VWF: variants seen among roughly 807,000 people sequenced by gnomAD.
The protein encoded by VWF is Factor VIII related antigen.
A neutral mutation model predicts 308.6 loss-of-function variants in VWF; 176 were observed. That is an observed-to-expected ratio of 0.57 (90% CI 0.50 to 0.65). VWF has a LOEUF of 0.65. Among genes scored for constraint, VWF ranks in the 30% least tolerant of loss-of-function variants. The probability of loss-of-function intolerance (pLI) is 0.00; values close to 1 mark genes in which losing one functional copy is unlikely to be tolerated. For missense variants in VWF, 3,146 were observed against 3,648.2 expected, an observed-to-expected ratio of 0.86 and a Z score of 3.55; for synonymous variants, 1,385 against 1,443.4, an observed-to-expected ratio of 0.96 and a Z score of 0.92.
At chr12:6,004,813 T>C (rs1201921010) in intron 34 of VWF, among the ~76,000 whole-genome samples, 1 of 151,872 alleles carries the variant, frequency 6.6e-6, no homozygotes, top group East Asian at 1.9e-4. Context: ...AAGAAAAAAG[T>C]CTCATTTACA....
intron 34 of VWF, among the ~76,000 whole-genome samples, chr12:6,006,255 A>G (rs965415666): frequency 6.6e-6 from 1 of 152,206 alleles, no homozygotes; most frequent in East Asian, 1.9e-4. Flanking sequence ...TAGAAGATAC[A>G]CAAAAGGAAA....
At chr12:6,114,824 G>A (rs1816461645) in intron 3 of VWF, among the ~76,000 whole-genome samples, 1 of 152,174 alleles carries the variant, frequency 6.6e-6, no homozygotes, top group African/African-American at 2.4e-5. Flanking sequence ...AGGAACTGGG[G>A]CTCCTGAAGG....
At chr12:5,993,336 G>A (rs1464821760) in intron 37 of VWF, among the ~76,000 whole-genome samples, 1 of 152,162 alleles carries the variant, frequency 6.6e-6, no homozygotes, top group African/African-American at 2.4e-5. Flanking sequence ...GGGAGGGGCT[G>A]TCTGCACTAG....
Position 6,060,051 on chromosome 12 carries a change from C to G in VWF, c.1534-2007G>C. On this transcript the variant is annotated intron_variant, in intron 13 of 51. Coordinates refer to ENST00000261405, the MANE Select transcript of VWF (RefSeq NM_000552.5). The surrounding 1 kb of genome is among the most constrained non-coding windows in gnomAD (Gnocchi z 5.1). ...CCCATGTCCCACTCTAAAACCAGGT[C>G]TTCTCCCATCCCCTTGGCTTGTCTC... 6.6e-6 allele frequency among the ~76,000 whole-genome samples: 1 copy of G among 152,036 alleles called. No individual in the cohort carries two copies. The highest frequency in any genetic ancestry group is 1.5e-5 in the Non-Finnish European group (1 of 68,002).
Position 6,046,718 on chromosome 12 carries a change from C to A in VWF, c.2281+5G>T, listed in dbSNP as rs1944450070. On this transcript the variant is annotated splice_donor_5th_base_variant and intron_variant, in intron 17 of 51. Transcript: ENST00000261405. The surrounding 1 kb of genome is among the most constrained non-coding windows in gnomAD (Gnocchi z 5.0). ...CAATGGGCCTTCCAGGGGGACAGTA[C>A]TCACTGCGATGAGACAGGGGACTGC... is the stretch of plus-strand genomic sequence containing the variant. 1 of 1,613,840 alleles carries A rather than the reference C, an allele frequency of 6.2e-7. No homozygotes were observed. Among genetic ancestry groups the A allele is most frequent in the Non-Finnish European group, 8.5e-7 (1 of 1,179,888 alleles).
Position 5,952,610 on chromosome 12 carries a change from A to C in VWF, c.7987-91T>G, listed in dbSNP as rs1385994109. 4 of 1,519,548 alleles carry C rather than the reference A, an allele frequency of 2.6e-6. No homozygotes were observed. In the South Asian group the frequency reaches 3.5e-5, roughly 13 times the overall value. 94.1% of individuals were successfully genotyped at this position (1,519,548 alleles called of 1,614,324 possible). The stretch of plus-strand genomic sequence containing the variant: ...TGAGCTTGACTCCATGGAGATGACG[A>C]AACAATCTGCAGAACCATGAAACAA... On this transcript the variant is annotated intron_variant, in intron 48 of 51. Transcript: ENST00000261405.
In VWF at chr12:6,013,620, A is replaced by G; in HGVS notation, c.5481T>C (p.Ile1827=). The change falls in exon 32 of 52, where the codon ATT becomes ATC. Residue 1827 remains isoleucine, a synonymous_variant. Transcript: ENST00000261405. ...SNRVTVFPIG[I]GDRYDAAQLR... ...GCTGGGCTGCATCGTAGCGATCTCC[A>G]ATTCCAATAGGGAACACTGTCACTC... 2 of 1,613,498 alleles carry G rather than the reference A, an allele frequency of 1.2e-6. No individual in the cohort carries two copies. Among genetic ancestry groups the G allele is most frequent in the Non-Finnish European group, 1.7e-6 (2 of 1,179,884 alleles).
In VWF at chr12:6,057,756, C is replaced by G. The variant is rs1944603921; in HGVS notation, c.1729+93G>C. ...TTTCCTCGCTCCCCGCCCCCGCCCTCCGCGGTGGGAGCACTGCCTCCGGAA... is the reference window on the plus strand; with the variant it reads ...TTTCCTCGCTCCCCGCCCCCGCCCTGCGCGGTGGGAGCACTGCCTCCGGAA... On this transcript the variant is annotated intron_variant, in intron 14 of 51. Transcript: ENST00000261405. 2.1e-6 allele frequency: 3 copies of G among 1,437,644 alleles called. No individual in the cohort carries two copies. The African/African-American group carries it at 4.3e-5, about 21-fold the overall frequency. The allele number at this position is 1,437,644 out of a possible 1,614,324, so 89.1% of individuals were successfully genotyped here.
Position 6,103,368 on chromosome 12 carries a change from G to A in VWF, c.532+7006C>T, listed in dbSNP as rs1254316681. On this transcript the variant is annotated intron_variant, in intron 5 of 51. Transcript: ENST00000261405. ...TATGTGTGTATATATACATATATAT[G>A]TGTGTGTGTGTATACACGTGTGTGT... Among the ~76,000 whole-genome samples the A allele has an allele frequency of 2.4e-5, 3 of 125,480 alleles. No individual in the cohort carries two copies. The East Asian group carries it at 7.1e-4, about 30-fold the overall frequency. The allele number at this position is 125,480 out of a possible 152,430, so 82.3% of individuals were successfully genotyped here. A position where few individuals can be genotyped will look rare whatever the true frequency, so the allele number is the denominator to read the frequency against.
Position 6,064,322 on chromosome 12 carries a change from G to T in VWF, c.1356C>A (p.His452Gln). ...CATGCTTCAGTTTCACAAGGCTGTT[G>T]TGCAGGCCAGGCAGCCGGACGGTGA... ...RSVTVRLPGL[H>Q]NSLVKLKHGA... Residue 452 changes from histidine to glutamine, a missense_variant, in exon 12 of 52, where the codon CAC becomes CAA. His to Gln is a conservative substitution (Grantham distance 24, BLOSUM62 0). Coordinates refer to ENST00000261405, the MANE Select transcript of VWF (RefSeq NM_000552.5). 6.2e-7 allele frequency: 1 copy of T among 1,614,198 alleles called. No homozygotes were observed. Among genetic ancestry groups the T allele is most frequent in the Non-Finnish European group, 8.5e-7 (1 of 1,180,048 alleles).
chr12:6,102,281 AACAT>A (rs1383552508), intron 5 of VWF, among the ~76,000 whole-genome samples: 1 of 151,996 alleles, frequency 6.6e-6, no homozygotes, highest in Non-Finnish European at 1.5e-5. Flanking sequence ...GTCTCTAATA[AACAT>A]ACAAAAATTA....
At chr12:6,002,359 A>C (rs216806) in intron 34 of VWF, among the ~76,000 whole-genome samples, 32 of 151,532 alleles carry the variant, frequency 2.1e-4, no homozygotes, top group Admixed American at 2.0e-3. Context: ...AAAGATAATA[A>C]ACATGTATAT....
chr12:5,965,901 C>T (rs146089856), intron 47 of VWF, among the ~76,000 whole-genome samples: 130 of 152,358 alleles, frequency 8.5e-4, no homozygotes, highest in African/African-American at 3.0e-3. Flanking sequence ...TTGCACTCCC[C>T]TGGGAGATAC....
chr12:5,976,013 T>G, intron 43 of VWF, 98 bp downstream of exon 43: 1 of 1,451,870 alleles, frequency 6.9e-7, no homozygotes, highest in Non-Finnish European at 9.2e-7. Context: ...GAGTCTCCAT[T>G]TCAAAAAAAA....
At chr12:6,069,343 C>T (rs1275569835) in intron 10 of VWF, among the ~76,000 whole-genome samples, 1 of 152,114 alleles carries the variant, frequency 6.6e-6, no homozygotes, top group Non-Finnish European at 1.5e-5. Flanking sequence ...GCCCAGAGCC[C>T]TTGATGCCAC....
chr12:6,051,286 C>CTTTTTTTTTTT (rs55842185), intron 16 of VWF, among the ~76,000 whole-genome samples: 264 of 117,456 alleles, frequency 2.2e-3, no homozygotes, highest in African/African-American at 3.7e-3. Flanking sequence ...TTCTTTTTTT[C>CTTTTTTTTTTT]TTTTTTTTTT....
At chr12:6,094,728 A>G (rs1945086010) in intron 6 of VWF, among the ~76,000 whole-genome samples, 1 of 151,784 alleles carries the variant, frequency 6.6e-6, no homozygotes, top group Admixed American at 6.6e-5. Flanking sequence ...TTTTTTTTTA[A>G]TTGAGACAGA....
chr12:6,106,616 G>A (rs1945246766), intron 5 of VWF, among the ~76,000 whole-genome samples: 1 of 152,138 alleles, frequency 6.6e-6, no homozygotes, highest in Admixed American at 6.5e-5. Context: ...GCTCACGCCT[G>A]TAATCCCAGC....
intron 6 of VWF, among the ~76,000 whole-genome samples, chr12:6,092,673 G>GTA (rs1356836169): frequency 0.027 from 3,291 of 123,332 alleles, 314 homozygotes; most frequent in African/African-American, 0.051. Context: ...GTGTGTGTGT[G>GTA]CTGACCAGCA....
Sources: gnomAD v4.1 joint callset for allele counts (sites outside exome capture counted in the v4.1 genomes callset) on GRCh38, gnomAD v4.1.1 for gene constraint, Gnocchi (gnomAD v3.1) non-coding constraint, MANE v1.5 for transcripts, NCBI Gene and HGNC (gene_info 2026-07-23, HGNC 2026-07-21) for gene names.